FNDC3B: variants seen among roughly 807,000 people sequenced by gnomAD.
FNDC3B encodes fibronectin type III domain containing 3B.
In FNDC3B, 12 loss-of-function variants were observed where a neutral mutation model predicts 151.5. That is an observed-to-expected ratio of 0.08 (90% CI 0.05 to 0.13). FNDC3B has a LOEUF of 0.13. Among genes scored for constraint, FNDC3B ranks in the 10% least tolerant of loss-of-function variants. The pLI is 1.00. For synonymous variants in FNDC3B, 528 were observed against 549.0 expected, an observed-to-expected ratio of 0.96 and a Z score of 0.54; for missense variants, 1,214 against 1,505.3, an observed-to-expected ratio of 0.81 and a Z score of 3.20.
chr3:172,305,359 T>C (rs192198525), intron 9 of FNDC3B, among the ~76,000 whole-genome samples: 6 of 152,342 alleles, frequency 3.9e-5, no homozygotes, highest in Admixed American at 3.3e-4. Context: ...AATCCATTCA[T>C]TTTTCCCTTT....
At chr3:172,145,168 C>T (rs1015169982) in intron 3 of FNDC3B, among the ~76,000 whole-genome samples, 1 of 151,998 alleles carries the variant, frequency 6.6e-6, no homozygotes, top group Admixed American at 6.5e-5. Flanking sequence ...GTTTTGTTAT[C>T]TTTCTAGCTA....
chr3:172,346,561 T>TTTC lies in FNDC3B; in HGVS notation c.2364+121_2364+122insTTC, dbSNP rs1553794239. 6.9e-4 allele frequency: 416 copies of TTTC among 601,790 alleles called. 2 individuals carry two copies. The highest frequency in any genetic ancestry group is 5.3e-3 in the African/African-American group (283 of 53,522). 37.3% of individuals were successfully genotyped at this position (601,790 alleles called of 1,614,324 possible). On this transcript the variant is annotated intron_variant, in intron 20 of 25. Transcript: ENST00000415807. The stretch of plus-strand genomic sequence containing the variant: ...ATATAGATGATTTTTTTTTTTTTTT[T>TTTC]GCTCTGTGTACTATAGTAATCACCC...
intron 22 of FNDC3B, among the ~76,000 whole-genome samples, chr3:172,354,578 A>T (rs1036509564): frequency 2.0e-5 from 3 of 151,798 alleles, no homozygotes; most frequent in Admixed American, 6.6e-5. Flanking sequence ...ATAGTACACA[A>T]TTGGGTATAC....
At chr3:172,258,505 G>A (rs772075497) in intron 6 of FNDC3B, among the ~76,000 whole-genome samples, 1 of 152,220 alleles carries the variant, frequency 6.6e-6, no homozygotes, top group Non-Finnish European at 1.5e-5. Context: ...CAGCAAGAAA[G>A]TGTATTCACA....
Position 172,332,248 on chromosome 3 carries a change from T to C in FNDC3B, c.1555-841T>C, listed in dbSNP as rs201355537. On this transcript the variant is annotated intron_variant, in intron 13 of 25. Transcript: ENST00000415807. ...GCCTCCCAAAGTGCTGGGATTACAGTTGTGAGCCACCAAGCTCAGCCAGTA... is the reference window on the plus strand; with the variant it reads ...GCCTCCCAAAGTGCTGGGATTACAGCTGTGAGCCACCAAGCTCAGCCAGTA... Among the ~76,000 whole-genome samples, 53 of 152,258 alleles carry C rather than the reference T, an allele frequency of 3.5e-4. No individual in the cohort carries two copies. The East Asian group carries it at 9.8e-3, about 28-fold the overall frequency.
At chr3:172,298,931 C>T (rs1400823787) in intron 9 of FNDC3B, 144 bp downstream of exon 9, 3 of 515,972 alleles carry the variant, frequency 5.8e-6, no homozygotes, top group Middle Eastern at 2.8e-4. Context: ...TTCATTGACT[C>T]TCAAGAGCAT....
intron 6 of FNDC3B, among the ~76,000 whole-genome samples, chr3:172,264,577 C>T (rs1443436250): frequency 1.3e-5 from 2 of 152,176 alleles, no homozygotes; most frequent in Non-Finnish European, 2.9e-5. Context: ...GCTTCCAAGA[C>T]TTGCCATATT....
At chr3:172,392,243 AT>A (rs1736048295) in intron 25 of FNDC3B, among the ~76,000 whole-genome samples, 1 of 152,204 alleles carries the variant, frequency 6.6e-6, no homozygotes, top group Admixed American at 6.5e-5. Flanking sequence ...CAGCCTAGCT[AT>A]TTGTAACTCA....
At position 172,344,141 on chromosome 3, in the gene FNDC3B, G is replaced by A. The variant is rs143124321; in HGVS notation, c.2133G>A (p.Thr711=). 9.3e-6 allele frequency: 15 copies of A among 1,614,056 alleles called. No homozygotes were observed. Among genetic ancestry groups the A allele is most frequent in the Middle Eastern group, 1.6e-4 (1 of 6,084 alleles). Residue 711 remains threonine (T), a synonymous_variant, in exon 19 of 26, where the codon ACG becomes ACA. Transcript: ENST00000415807. ...TCTCAGAGTACAGCGTGGAGATGAC[G>A]GAGCCCGAAGACGTAGCCTCGGAAG... ...CEVSEYSVEM[T]EPEDVASEVY...
chr3:172,253,565 T>G (rs534239461), intron 6 of FNDC3B, among the ~76,000 whole-genome samples: 104 of 152,312 alleles, frequency 6.8e-4, no homozygotes, highest in African/African-American at 2.4e-3. Context: ...GAAACAGACT[T>G]CTTAACTGAT....
intron 23 of FNDC3B, among the ~76,000 whole-genome samples, chr3:172,367,000 G>T (rs1734658075): frequency 6.6e-6 from 1 of 152,082 alleles, no homozygotes; most frequent in Admixed American, 6.6e-5. Context: ...AAATAAAAGG[G>T]ATCCCAAAGA....
chr3:172,145,772 T>C (rs1721873632), intron 3 of FNDC3B, among the ~76,000 whole-genome samples: 1 of 152,092 alleles, frequency 6.6e-6, no homozygotes, highest in Admixed American at 6.5e-5. Flanking sequence ...GCAGATAGTA[T>C]AAATTGTCTT....
At chr3:172,246,039 T>C (rs1727757539) in intron 4 of FNDC3B, among the ~76,000 whole-genome samples, 1 of 152,200 alleles carries the variant, frequency 6.6e-6, no homozygotes. Context: ...AGCACTACTT[T>C]TAAAATATGA....
At chr3:172,131,247 G>C (rs1410493505) in intron 2 of FNDC3B, among the ~76,000 whole-genome samples, 1 of 152,044 alleles carries the variant, frequency 6.6e-6, no homozygotes, top group Admixed American at 6.6e-5. Context: ...TACAAAATTA[G>C]CCAGGCGTGG....
At chr3:172,390,997 C>T (rs1370356348) in intron 25 of FNDC3B, among the ~76,000 whole-genome samples, 1 of 152,068 alleles carries the variant, frequency 6.6e-6, no homozygotes, top group East Asian at 1.9e-4. Context: ...CCCGGTGTCA[C>T]ACTGTAGTCA....
chr3:172,350,423 T>C (rs149939315), intron 21 of FNDC3B, among the ~76,000 whole-genome samples: 9 of 152,342 alleles, frequency 5.9e-5, no homozygotes, highest in African/African-American at 1.9e-4. Context: ...GATAGAAACA[T>C]TGGGCTCCAT....
intron 1 of FNDC3B, among the ~76,000 whole-genome samples, chr3:172,072,848 A>G (rs555684824): frequency 2.0e-5 from 3 of 152,330 alleles, no homozygotes; most frequent in East Asian, 3.9e-4. Context: ...TTTCATTTCA[A>G]ATGACACTGA....
intron 3 of FNDC3B, among the ~76,000 whole-genome samples, chr3:172,137,298 A>G (rs143647137): frequency 3.3e-5 from 5 of 152,314 alleles, no homozygotes; most frequent in Admixed American, 1.3e-4. Flanking sequence ...ACACCACTAG[A>G]AAGACCTCAG....
At chr3:172,337,609 T>A (rs1042762466) in intron 16 of FNDC3B, 1 of 487,624 alleles carries the variant, frequency 2.1e-6, no homozygotes, top group Non-Finnish European at 3.6e-6. Context: ...TACATTTGTG[T>A]TATTTAACAA....
Sources: gnomAD v4.1 joint callset for allele counts (sites outside exome capture counted in the v4.1 genomes callset) on GRCh38, gnomAD v4.1.1 for gene constraint, MANE v1.5 for transcripts, NCBI Gene and HGNC (gene_info 2026-07-23, HGNC 2026-07-21) for gene names.